The following CEP85 variants were observed in gnomAD, a reference collection of about 807,000 sequenced individuals.
CEP85 encodes the protein centrosomal protein of 85 kDa.
Under a neutral mutation model 93.7 loss-of-function variants are expected in CEP85, and 58 were observed. The observed-to-expected ratio is 0.62, with a 90% CI of 0.50 to 0.77. The LOEUF (loss-of-function observed/expected upper bound fraction) is 0.77, where lower values mean the gene tolerates loss of function less well. CEP85 is among the 30% of genes least tolerant of loss of function. CEP85 has a pLI of 0.00. For synonymous variants in CEP85, 314 were observed against 338.6 expected, an observed-to-expected ratio of 0.93 and a Z score of 0.80; for missense variants, 868 against 922.0, an observed-to-expected ratio of 0.94 and a Z score of 0.76.
chr1:26,255,816 C>G lies in CEP85; in HGVS notation c.854C>G (p.Thr285Ser). The G allele has an allele frequency of 6.2e-7, 1 of 1,613,458 alleles. No individual in the cohort carries two copies. The highest frequency in any genetic ancestry group is 8.5e-7 in the Non-Finnish European group (1 of 1,179,594). ...HPREQSCELS[T>S]CRQQLELIRL... ...CGAGAGCAATCTTGTGAACTCAGCA[C>G]TTGTCGGCAGCAGCTGGAATTGATT... The change falls in exon 4 of 14, where the codon ACT becomes AGT. Residue 285 changes from threonine to serine, a missense_variant. Physicochemically the swap from Thr to Ser is moderately conservative, Grantham distance 58 (BLOSUM62 1). Transcript: ENST00000451429.
In CEP85 at chr1:26,255,478, A is replaced by T; in HGVS notation, c.516A>T (p.Arg172Ser). Reference sequence around the variant, plus strand: ...GGTTTCCAGCAGTGGGCCATGAAAGACAAGAAGAGGCGAGGAAGTTTGATA... The same window carrying T: ...GGTTTCCAGCAGTGGGCCATGAAAGTCAAGAAGAGGCGAGGAAGTTTGATA... ...QSWFPAVGHERQEEARKFDIP... is the reference protein window; with the variant it reads ...QSWFPAVGHESQEEARKFDIP... The change falls in exon 4 of 14, where the codon AGA becomes AGT. Residue 172 changes from arginine to serine, a missense_variant. Coordinates refer to ENST00000451429, the MANE Select transcript of CEP85 (RefSeq NM_001319944.2). The T allele has an allele frequency of 6.2e-7, 1 of 1,614,200 alleles. No individual in the cohort carries two copies. The highest frequency in any genetic ancestry group is 8.5e-7 in the Non-Finnish European group (1 of 1,180,032).
chr1:26,266,143 A>G (rs7552176), intron 7 of CEP85, among the ~76,000 whole-genome samples: 25,051 of 151,858 alleles, frequency 0.16, 2,167 homozygotes, highest in Middle Eastern at 0.21. Context: ...CGGGAGGTGG[A>G]GGTTCCAGTG....
At chr1:26,263,133 C>T in intron 7 of CEP85, 1 of 213,428 alleles carries the variant, frequency 4.7e-6, no homozygotes, top group Admixed American at 4.5e-5. Context: ...TTACAGTACT[C>T]TGTCCAATCA....
At chr1:26,256,809 G>A (rs955249447) in intron 4 of CEP85, among the ~76,000 whole-genome samples, 13 of 151,612 alleles carry the variant, frequency 8.6e-5, no homozygotes, top group South Asian at 8.3e-4. Context: ...ATGCTGGCCC[G>A]CCTAGTCTCG....
intron 3 of CEP85, among the ~76,000 whole-genome samples, chr1:26,252,849 A>G (rs1032653939): frequency 5.3e-5 from 8 of 152,090 alleles, no homozygotes; most frequent in African/African-American, 1.9e-4. Flanking sequence ...TAAAGTATTT[A>G]TTCCTCCTGT....
chr1:26,252,886 C>G (rs762917561), intron 3 of CEP85, among the ~76,000 whole-genome samples: 4 of 152,150 alleles, frequency 2.6e-5, no homozygotes, highest in Non-Finnish European at 5.9e-5. Context: ...ACCCTTTGAT[C>G]AGCATCTCTC....
intron 1 of CEP85, 101 bp from the exon 2 acceptor site, chr1:26,239,661 A>G (rs1569955843): frequency 1.3e-6 from 1 of 767,826 alleles, no homozygotes; most frequent in East Asian, 2.8e-5. Context: ...CAAATACTTG[A>G]ATATTCTATA....
intron 7 of CEP85, among the ~76,000 whole-genome samples, chr1:26,267,485 A>T (rs2089909949): frequency 6.6e-6 from 1 of 152,034 alleles, no homozygotes; most frequent in Admixed American, 6.6e-5. Context: ...ACTCTCTTGA[A>T]CCCAGGAGGC....
intron 4 of CEP85, among the ~76,000 whole-genome samples, chr1:26,256,925 TTTG>T (rs1322681685): frequency 8.6e-4 from 19 of 22,038 alleles, no homozygotes; most frequent in African/African-American, 2.0e-3. Flanking sequence ...TTTGTTTTGT[TTTG>T]GTGTGTGTGT....
At chr1:26,238,023 A>G (rs1025840310) in intron 1 of CEP85, among the ~76,000 whole-genome samples, 1 of 151,512 alleles carries the variant, frequency 6.6e-6, no homozygotes, top group Non-Finnish European at 1.5e-5. Flanking sequence ...TACCCTTTCT[A>G]TTGTAGATGC....
chr1:26,257,838 AT>A, intron 5 of CEP85, 108 bp downstream of exon 5: 1 of 1,257,872 alleles, frequency 7.9e-7, no homozygotes, highest in Non-Finnish European at 1.1e-6. Flanking sequence ...GTTTAGGTCC[AT>A]GTCTTGCCTC....
chr1:26,252,333 G>C (rs866932755), intron 3 of CEP85, among the ~76,000 whole-genome samples: 24 of 152,028 alleles, frequency 1.6e-4, no homozygotes, highest in Non-Finnish European at 3.5e-4. Flanking sequence ...GGGAGTTCAA[G>C]ACCAGCCTGA....
At chr1:26,274,473 C>T (rs904381151) in intron 11 of CEP85, among the ~76,000 whole-genome samples, 3 of 152,124 alleles carry the variant, frequency 2.0e-5, no homozygotes, top group African/African-American at 2.4e-5. Context: ...CAGATGTACT[C>T]GTAAGCCATG....
At position 26,272,068 on chromosome 1, in the gene CEP85, A is replaced by G. The variant is rs775246331; in HGVS notation, c.1791A>G (p.Val597=). The G allele has an allele frequency of 6.2e-7, 1 of 1,614,002 alleles. No homozygotes were observed. The highest frequency in any genetic ancestry group is 1.7e-5 in the Admixed American group (1 of 60,008). The change falls in exon 11 of 14, where the codon GTA becomes GTG. Residue 597 remains valine (V), a synonymous_variant. Transcript: ENST00000451429. ...AGATGGATCAGTTGCGCTCACAAGT[A>G]CAGGTGAGCAGGAATCCTTGGGACA... ...QQKMDQLRSQ[V]QSLEQEVAQE...
chr1:26,249,589 T>C (rs1416345443), intron 3 of CEP85, among the ~76,000 whole-genome samples: 3 of 152,234 alleles, frequency 2.0e-5, no homozygotes, highest in Non-Finnish European at 4.4e-5. Context: ...GAGTTCAGAA[T>C]GCTTTCAGCT....
chr1:26,250,925 C>CTTTTTTTTTTTTTTTTTTTTTTTTTT lies in CEP85; in HGVS notation c.209-4240_209-4239insTTTTTTTTTTTTTTTTTTTTTTTTTT, dbSNP rs71581048. ...TGAGCCAAGCTTGCCTTTTTTTTTT[C>CTTTTTTTTTTTTTTTTTTTTTTTTTT]TTTTTTCTTTTTTTTTTTTTTTTTT... On this transcript the variant is annotated intron_variant, in intron 3 of 13. Coordinates refer to ENST00000451429, the MANE Select transcript of CEP85 (RefSeq NM_001319944.2). Among the ~76,000 whole-genome samples, 3 of 55,132 alleles carry CTTTTTTTTTTTTTTTTTTTTTTTTTT rather than the reference C, an allele frequency of 5.4e-5. 1 individual carries two copies. The highest frequency in any genetic ancestry group is 2.4e-4 in the Admixed American group (1 of 4,088). 36.2% of individuals were successfully genotyped at this position (55,132 alleles called of 152,430 possible). A position where few individuals can be genotyped will look rare whatever the true frequency, so the allele number is the denominator to read the frequency against.
chr1:26,258,685 C>A (rs145624104), intron 6 of CEP85, among the ~76,000 whole-genome samples: 2 of 152,056 alleles, frequency 1.3e-5, no homozygotes, highest in Admixed American at 1.3e-4. Context: ...CAACCTCCGC[C>A]TCCCGGGTTC....
At chr1:26,253,188 G>A (rs375618222) in intron 3 of CEP85, among the ~76,000 whole-genome samples, 18 of 152,096 alleles carry the variant, frequency 1.2e-4, no homozygotes, top group African/African-American at 3.9e-4. Flanking sequence ...ACATGGGATT[G>A]TAGATATCTC....
intron 1 of CEP85, among the ~76,000 whole-genome samples, chr1:26,235,861 C>T (rs2089319019): frequency 6.6e-6 from 1 of 152,194 alleles, no homozygotes; most frequent in East Asian, 1.9e-4. Flanking sequence ...CGTGAGCCAC[C>T]ACGCCCGGCC....
Sources: allele counts gnomAD v4.1 joint callset (sites outside exome capture counted in the v4.1 genomes callset), GRCh38; gene constraint gnomAD v4.1.1; transcripts MANE v1.5; gene names NCBI Gene and HGNC (gene_info 2026-07-23, HGNC 2026-07-21).